The following FHIT variants were observed in gnomAD, a reference collection of about 807,000 sequenced individuals.
The protein encoded by FHIT is bis(5'-adenosyl)-triphosphatase.
A neutral mutation model predicts 17.9 loss-of-function variants in FHIT; 19 were observed. The observed-to-expected ratio is 1.06, with a 90% CI of 0.74 to 1.56. The LOEUF is 1.56. Ranked by LOEUF, FHIT falls within the 40% of genes most tolerant of loss-of-function variation. The pLI is 0.00. For missense variants in FHIT, 248 were observed against 189.2 expected (o/e 1.31, Z -1.82); for synonymous variants, 81 against 69.7 (o/e 1.16, Z -0.81).
At chr3:60,251,295 T>G (rs986279422) in intron 5 of FHIT, among the ~76,000 whole-genome samples, 3 of 152,196 alleles carry the variant, frequency 2.0e-5, no homozygotes, top group Admixed American at 1.3e-4. Context: ...ATGGAATGCC[T>G]TGGCTCTCTC....
intron 8 of FHIT, among the ~76,000 whole-genome samples, chr3:59,904,672 A>T (rs961609596): frequency 6.6e-6 from 1 of 152,086 alleles, no homozygotes; most frequent in Non-Finnish European, 1.5e-5. Context: ...GAGCTCTTGT[A>T]CCATGCCCAA....
intron 7 of FHIT, among the ~76,000 whole-genome samples, 171 bp downstream of exon 7, chr3:60,011,200 T>C (rs1559546671): frequency 6.6e-6 from 1 of 152,212 alleles, no homozygotes. Flanking sequence ...GGGAAACATA[T>C]TGTTTGGCAG....
intron 3 of FHIT, among the ~76,000 whole-genome samples, chr3:60,929,830 A>T (rs1285008250): frequency 6.6e-6 from 1 of 152,212 alleles, no homozygotes; most frequent in Non-Finnish European, 1.5e-5. Context: ...TCAAGCTACC[A>T]ATGACTTCCT....
At position 60,282,523 on chromosome 3, in the gene FHIT, T is replaced by C. The variant is rs924145825; in HGVS notation, c.103+254337A>G. Among the ~76,000 whole-genome samples the C allele has an allele frequency of 1.1e-4, 16 of 152,268 alleles. No homozygotes were observed. In the South Asian group the frequency reaches 1.7e-3, roughly 16 times the overall value. On this transcript the variant is annotated intron_variant, in intron 5 of 9. Transcript: ENST00000492590. ...GACAATATGCATCTGTAAAACTCCA[T>C]AGAACCACAGAAGGCCAAGAGTGAA...
intron 4 of FHIT, among the ~76,000 whole-genome samples, chr3:60,807,849 A>G (rs1701450679): frequency 6.6e-6 from 1 of 150,390 alleles, no homozygotes; most frequent in African/African-American, 2.4e-5. Context: ...TAAAAAAAAA[A>G]TAAAATAAAA....
intron 5 of FHIT, among the ~76,000 whole-genome samples, chr3:60,456,188 T>G (rs1291322877): frequency 6.6e-6 from 1 of 152,234 alleles, no homozygotes; most frequent in Non-Finnish European, 1.5e-5. Context: ...GTGTTGCCTT[T>G]AAATATTCAC....
At chr3:60,815,527 A>C (rs1701712330) in intron 4 of FHIT, among the ~76,000 whole-genome samples, 1 of 152,082 alleles carries the variant, frequency 6.6e-6, no homozygotes, top group Admixed American at 6.6e-5. Context: ...AACTTTGTTG[A>C]AGATCAGATG....
chr3:60,324,264 A>T (rs1303422481), intron 5 of FHIT, among the ~76,000 whole-genome samples: 1 of 152,046 alleles, frequency 6.6e-6, no homozygotes, highest in Non-Finnish European at 1.5e-5. Context: ...CCCTGTTTTT[A>T]ATGACCACCC....
At chr3:60,782,979 G>C (rs368405116) in intron 4 of FHIT, among the ~76,000 whole-genome samples, 148 of 152,122 alleles carry the variant, frequency 9.7e-4, no homozygotes, top group African/African-American at 3.5e-3. Flanking sequence ...ATCACACTGG[G>C]TTGTTTTTTG....
chr3:60,583,064 G>C (rs1172112517), intron 4 of FHIT, among the ~76,000 whole-genome samples: 2 of 151,628 alleles, frequency 1.3e-5, no homozygotes, highest in African/African-American at 4.8e-5. Context: ...GTCTAAATCA[G>C]AACATGTCAA....
At chr3:61,207,440 A>T (rs1044512300) in intron 1 of FHIT, among the ~76,000 whole-genome samples, 1 of 152,142 alleles carries the variant, frequency 6.6e-6, no homozygotes, top group East Asian at 1.9e-4. Flanking sequence ...CTGTGAATCC[A>T]TCTGGTCCTG....
chr3:60,860,158 T>G (rs28750168), intron 3 of FHIT, among the ~76,000 whole-genome samples: 5,656 of 72,754 alleles, frequency 0.078, 698 homozygotes, highest in South Asian at 0.12. Flanking sequence ...GTATATATGA[T>G]ATACATCATA....
At chr3:60,685,566 ACATATGGGC>A (rs1345480402) in intron 4 of FHIT, among the ~76,000 whole-genome samples, 1 of 152,174 alleles carries the variant, frequency 6.6e-6, no homozygotes, top group African/African-American at 2.4e-5. Flanking sequence ...CCACCCCGTG[ACATATGGGC>A]CAGTAAGGGC....
chr3:60,705,857 C>T (rs1330684232), intron 4 of FHIT, among the ~76,000 whole-genome samples: 2 of 152,192 alleles, frequency 1.3e-5, no homozygotes, highest in African/African-American at 4.8e-5. Context: ...CCTCTTAATA[C>T]TGTGACCTCT....
chr3:60,477,172 C>T (rs1433080797), intron 5 of FHIT, among the ~76,000 whole-genome samples: 1 of 151,700 alleles, frequency 6.6e-6, no homozygotes, highest in African/African-American at 2.4e-5. Context: ...GAAGGAGGAA[C>T]AATTTTAACT....
chr3:60,328,623 G>T (rs979930332), intron 5 of FHIT, among the ~76,000 whole-genome samples: 2 of 152,036 alleles, frequency 1.3e-5, no homozygotes, highest in Non-Finnish European at 2.9e-5. Flanking sequence ...GGATAGATTT[G>T]GGGGGGACAC....
At chr3:60,522,212 G>A (rs1209681440) in intron 5 of FHIT, among the ~76,000 whole-genome samples, 1 of 146,866 alleles carries the variant, frequency 6.8e-6, no homozygotes, top group African/African-American at 2.5e-5. Flanking sequence ...CTGAGTTCAA[G>A]CAATTATCGT....
chr3:59,915,838 A>G (rs952828520), intron 8 of FHIT, among the ~76,000 whole-genome samples: 1 of 151,874 alleles, frequency 6.6e-6, no homozygotes, highest in Non-Finnish European at 1.5e-5. Flanking sequence ...AGGCTGAGGC[A>G]GGAGGATCAC....
intron 3 of FHIT, among the ~76,000 whole-genome samples, chr3:61,016,711 T>C (rs1007540449): frequency 6.6e-6 from 1 of 152,210 alleles, no homozygotes; most frequent in Non-Finnish European, 1.5e-5. Context: ...TGGATTTTCA[T>C]AGCAACCATC....
Sources: gnomAD v4.1 joint callset for allele counts (sites outside exome capture counted in the v4.1 genomes callset) on GRCh38, gnomAD v4.1.1 for gene constraint, MANE v1.5 for transcripts, NCBI Gene and HGNC (gene_info 2026-07-23, HGNC 2026-07-21) for gene names.